Variants in TTC5 observed in about 807,000 individuals in gnomAD.
The protein encoded by TTC5 is tetratricopeptide repeat protein 5.
In TTC5, 46 loss-of-function variants were observed where a neutral mutation model predicts 57.4. The ratio of observed to expected loss-of-function variants is 0.80; its 90% CI spans 0.63 to 1.03. The LOEUF (loss-of-function observed/expected upper bound fraction) is 1.03. TTC5 is among the 50% of genes least tolerant of loss of function. TTC5 has a pLI of 0.00. For missense variants in TTC5, 504 were observed against 528.1 expected (o/e 0.95, Z 0.45); for synonymous variants, 190 against 203.5 (o/e 0.93, Z 0.57).
intron 5 of TTC5, among the ~76,000 whole-genome samples, chr14:20,296,659 CA>C (rs1186167375): frequency 3.9e-5 from 6 of 152,116 alleles, no homozygotes; most frequent in Non-Finnish European, 8.8e-5. Context: ...TGTGAGACTT[CA>C]AAATATTATT....
chr14:20,297,435 C>A (rs574058225), intron 5 of TTC5, among the ~76,000 whole-genome samples: 1 of 152,168 alleles, frequency 6.6e-6, no homozygotes, highest in South Asian at 2.1e-4. Flanking sequence ...ATGGTTGGTT[C>A]AGATATGTTT....
chr14:20,300,679 C>A lies in TTC5; in HGVS notation c.324G>T (p.Gln108His), dbSNP rs184094225. 1.6e-5 allele frequency: 26 copies of A among 1,614,184 alleles called. No homozygotes were observed. The East Asian group carries it at 5.8e-4, about 36-fold the overall frequency. The change falls in exon 3 of 10, where the codon CAG (glutamine) becomes CAT (histidine). Residue 108 changes from glutamine to histidine, a missense_variant. Gln to His is a conservative substitution (Grantham distance 24, BLOSUM62 0). Coordinates refer to ENST00000258821, the MANE Select transcript of TTC5 (RefSeq NM_138376.3). ...CTTTTTTCCAGTACACCTCACCCAG[C>A]TGGTTCCAGGCTTCCACCAGCTCGG... Reference protein sequence around the residue: ...LEPELVEAWNQLGEVYWKKGD... With the variant: ...LEPELVEAWNHLGEVYWKKGD...
rs1382029179 is a variant in TTC5, at chr14:20,300,382, C to T, written c.396+225G>A. ...ATCAGCTTAGCTGCTAGCTTTTCTT[C>T]ACTTCCTTTCTCCCCCTGAACCTGA... On this transcript the variant is annotated intron_variant, in intron 3 of 9. Coordinates refer to ENST00000258821, the MANE Select transcript of TTC5 (RefSeq NM_138376.3). 5.9e-6 allele frequency: 3 copies of T among 510,472 alleles called. No individual in the cohort carries two copies. The East Asian group carries it at 9.6e-5, about 16-fold the overall frequency. 31.6% of individuals were successfully genotyped at this position (510,472 alleles called of 1,614,324 possible). A position where few individuals can be genotyped will look rare whatever the true frequency, so the allele number is the denominator to read the frequency against.
chr14:20,300,453 C>G, intron 3 of TTC5, 154 bp downstream of exon 3: 1 of 631,684 alleles, frequency 1.6e-6, no homozygotes, highest in Non-Finnish European at 2.7e-6. Context: ...CTATTTTCCT[C>G]ATTCAGGTCT....
At chr14:20,299,574 G>T (rs1173691565) in intron 3 of TTC5, 126 bp from the exon 4 acceptor site, 26 of 1,084,900 alleles carry the variant, frequency 2.4e-5, no homozygotes, top group African/African-American at 1.6e-5. Flanking sequence ...TTTTGTTTGA[G>T]GTGGAGTCTT....
In TTC5 at chr14:20,295,731, A is replaced by G. The variant is rs1445861793; in HGVS notation, c.820T>C (p.Leu274=). The G allele has an allele frequency of 6.2e-7, 1 of 1,612,944 alleles. No homozygotes were observed. Among genetic ancestry groups the G allele is most frequent in the Non-Finnish European group, 8.5e-7 (1 of 1,179,780 alleles). The change falls in exon 7 of 10, where the codon TTA becomes CTA. Residue 274 remains leucine (L), a synonymous_variant. Transcript: ENST00000258821. ...ACCTTACTCTCAAGGAGGCTGGTTAATCTATCCAGGAATTCCAGAAGTTGT... is the reference window on the plus strand; with the variant it reads ...ACCTTACTCTCAAGGAGGCTGGTTAGTCTATCCAGGAATTCCAGAAGTTGT... The part of the protein sequence containing the change: ...EQQLLEFLDR[L]TSLLESKGKV...
chr14:20,305,839 TC>T, intron 1 of TTC5, 47 bp downstream of exon 1: 1 of 1,576,974 alleles, frequency 6.3e-7, no homozygotes, highest in Non-Finnish European at 8.7e-7. Flanking sequence ...ACTCCCTGCT[TC>T]ATTCGGAGTA....
At chr14:20,291,306 C>T (rs1396389358) in intron 9 of TTC5, among the ~76,000 whole-genome samples, 1 of 152,296 alleles carries the variant, frequency 6.6e-6, no homozygotes, top group African/African-American at 2.4e-5. Flanking sequence ...GATCCTCCCA[C>T]CTTGGCCTTC....
intron 9 of TTC5, among the ~76,000 whole-genome samples, chr14:20,290,800 A>C (rs1335799287): frequency 2.0e-5 from 3 of 152,270 alleles, no homozygotes; most frequent in South Asian, 4.1e-4. Flanking sequence ...GGAGGTCATC[A>C]AAGTATTTCT....
intron 1 of TTC5, among the ~76,000 whole-genome samples, chr14:20,305,044 T>G (rs1262815113): frequency 6.6e-6 from 1 of 152,202 alleles, no homozygotes; most frequent in African/African-American, 2.4e-5. Context: ...GAACCAGAAT[T>G]GAGAATCTCT....
intron 2 of TTC5, among the ~76,000 whole-genome samples, chr14:20,301,532 T>C (rs1032174434): frequency 6.6e-6 from 1 of 151,380 alleles, no homozygotes; most frequent in South Asian, 2.1e-4. Context: ...TTTAGAAAGA[T>C]AGCCATGGCC....
At chr14:20,294,960 T>C (rs1882030069) in intron 8 of TTC5, 1 of 254,228 alleles carries the variant, frequency 3.9e-6, no homozygotes, top group Non-Finnish European at 7.8e-6. Flanking sequence ...GACTAAGAAA[T>C]TTGTCCTCCT....
At chr14:20,302,723 C>A (rs549950534) in intron 1 of TTC5, among the ~76,000 whole-genome samples, 51 of 152,246 alleles carry the variant, frequency 3.3e-4, no homozygotes, top group Non-Finnish European at 6.3e-4. Flanking sequence ...AATCTGAAAT[C>A]CTCCAAAATC....
chr14:20,287,610 C>T lies in TTC5; in HGVS notation c.*2017G>A, dbSNP rs999408287. ...ATGGGTATTCTAGTTATTCCTGAAA[C>T]CGTATGTACAAATTTTGCATACTTA... is the stretch of plus-strand genomic sequence containing the variant. On this transcript the variant is annotated 3_prime_UTR_variant, in exon 10 of 10. Transcript: ENST00000258821. 1 of 152,142 alleles carries T rather than the reference C, an allele frequency of 6.6e-6. No homozygotes were observed. The highest frequency in any genetic ancestry group is 2.4e-5 in the African/African-American group (1 of 41,436). The allele number at this position is 152,142 out of a possible 1,614,324, so 9.4% of individuals were successfully genotyped here.
chr14:20,300,498 T>C (rs760487904), intron 3 of TTC5, 109 bp downstream of exon 3: 3 of 949,310 alleles, frequency 3.2e-6, no homozygotes, highest in Non-Finnish European at 4.6e-6. Context: ...GATTCTGTCC[T>C]AGTTCAATTT....
chr14:20,291,881 C>T (rs1881960109), intron 9 of TTC5, 102 bp downstream of exon 9: 1 of 1,066,632 alleles, frequency 9.4e-7, no homozygotes, highest in Admixed American at 3.8e-5. Flanking sequence ...ATAGCCTACA[C>T]ACATACTTAC....
In TTC5 at chr14:20,295,456, C is replaced by T. The variant is rs780938049; in HGVS notation, c.914G>A (p.Ser305Asn). 3 of 1,614,190 alleles carry T rather than the reference C, an allele frequency of 1.9e-6. No individual in the cohort carries two copies. Among genetic ancestry groups the T allele is most frequent in the South Asian group, 2.2e-5 (2 of 91,082 alleles). The change falls in exon 8 of 10, where the codon AGT (serine) becomes AAT (asparagine). Residue 305 changes from serine to asparagine, a missense_variant. Transcript: ENST00000258821. ...SLRPAHLGPC[S>N]DGHYQSASGQ... ...AGAGGCTGACTGATAGTGCCCATCACTGCAAGGGCCTAGATGGGCTGGGCG... is the reference window on the plus strand; with the variant it reads ...AGAGGCTGACTGATAGTGCCCATCATTGCAAGGGCCTAGATGGGCTGGGCG...
At chr14:20,295,644 T>G in intron 7 of TTC5, 64 bp downstream of exon 7, 1 of 1,555,552 alleles carries the variant, frequency 6.4e-7, no homozygotes, top group East Asian at 2.2e-5. Context: ...TTTATTCTTA[T>G]TTTATTGACC....
intron 2 of TTC5, 122 bp downstream of exon 2, chr14:20,301,710 AG>A (rs1309652919): frequency 3.3e-6 from 4 of 1,224,874 alleles, no homozygotes; most frequent in Non-Finnish European, 4.5e-6. Flanking sequence ...CCTGAGAAGT[AG>A]TATTACGTTG....
Sources: allele counts gnomAD v4.1 joint callset (sites outside exome capture counted in the v4.1 genomes callset), GRCh38; gene constraint gnomAD v4.1.1; transcripts MANE v1.5; gene names NCBI Gene and HGNC (gene_info 2026-07-23, HGNC 2026-07-21).